Variants in THAP4 observed in about 807,000 individuals in gnomAD.
The protein encoded by THAP4 is peroxynitrite isomerase THAP4.
Under a neutral mutation model 48.1 loss-of-function variants are expected in THAP4, and 18 were observed. That is an observed-to-expected ratio of 0.37 (90% CI 0.26 to 0.56). The LOEUF (loss-of-function observed/expected upper bound fraction) is 0.56. Ranked by LOEUF, THAP4 falls within the 20% of genes least tolerant of loss-of-function variation. The pLI is 0.78. For synonymous variants in THAP4, 345 were observed against 324.9 expected (o/e 1.06, Z -0.66); for missense variants, 656 against 774.9 (o/e 0.85, Z 1.82).
At chr2:241,606,179 A>C (rs2067181138) in intron 3 of THAP4, 135 bp downstream of exon 3, 1 of 730,858 alleles carries the variant, frequency 1.4e-6, no homozygotes, top group Non-Finnish European at 2.1e-6. Flanking sequence ...GCAAGAGGAC[A>C]CCTTTCTGAA....
intron 1 of THAP4, among the ~76,000 whole-genome samples, chr2:241,635,000 G>C (rs533260331): frequency 6.6e-6 from 1 of 152,336 alleles, no homozygotes; most frequent in African/African-American, 2.4e-5. Context: ...AGGAGGACTG[G>C]GGTATTAATG....
intron 2 of THAP4, among the ~76,000 whole-genome samples, chr2:241,622,880 T>C (rs28716750): frequency 6.6e-6 from 1 of 152,142 alleles, no homozygotes; most frequent in Non-Finnish European, 1.5e-5. Context: ...AGATTACAGG[T>C]GTGAGCCACC....
intron 5 of THAP4, among the ~76,000 whole-genome samples, chr2:241,590,838 G>A (rs35709669): frequency 1.4e-5 from 2 of 147,082 alleles, no homozygotes; most frequent in South Asian, 2.1e-4. Flanking sequence ...AGAGCTGCCC[G>A]GCTGACGATA....
At position 241,594,443 on chromosome 2, in the gene THAP4, G is replaced by A. The variant is rs903367126; in HGVS notation, c.1614+7453C>T. Among the ~76,000 whole-genome samples the A allele has an allele frequency of 4.6e-5, 7 of 152,250 alleles. No individual in the cohort carries two copies. In the East Asian group the frequency reaches 7.7e-4, roughly 17 times the overall value. On this transcript the variant is annotated intron_variant, in intron 5 of 5. Coordinates refer to ENST00000407315, the MANE Select transcript of THAP4 (RefSeq NM_015963.6). ...TACAAAAACTACAAATAAAGTAGCC[G>A]TGCTCATTAGGTGGCTCATGCCTGT...
At position 241,584,433 on chromosome 2, in the gene THAP4, T is replaced by A; in HGVS notation, c.*173A>T. On this transcript the variant is annotated 3_prime_UTR_variant, in exon 6 of 6. Transcript: ENST00000407315. ...TATTCAAAATCCTCAGCCATAAAAA[T>A]AAAGGCCTTTTATTTGGTTTTTCTA... The A allele has an allele frequency of 1.6e-6, 1 of 634,236 alleles. No homozygotes were observed. The highest frequency in any genetic ancestry group is 2.1e-5 in the South Asian group (1 of 47,290). 39.3% of individuals were successfully genotyped at this position (634,236 alleles called of 1,614,324 possible). A position where few individuals can be genotyped will look rare whatever the true frequency, so the allele number is the denominator to read the frequency against.
At chr2:241,613,372 C>G (rs953171499) in intron 2 of THAP4, among the ~76,000 whole-genome samples, 5 of 152,002 alleles carry the variant, frequency 3.3e-5, no homozygotes, top group African/African-American at 1.2e-4. Flanking sequence ...CTCATAGGAC[C>G]CTTGAAGGGG....
intron 5 of THAP4, among the ~76,000 whole-genome samples, chr2:241,586,897 G>A (rs2066902284): frequency 6.6e-6 from 1 of 152,134 alleles, no homozygotes; most frequent in African/African-American, 2.4e-5. Context: ...AGACCCAGAA[G>A]AAGATAGGAA....
In THAP4 at chr2:241,633,061, C is replaced by A. The variant is rs1422424004; in HGVS notation, c.1096G>T (p.Val366Leu). The A allele has an allele frequency of 1.2e-6, 2 of 1,613,882 alleles. No homozygotes were observed. The highest frequency in any genetic ancestry group is 1.7e-6 in the Non-Finnish European group (2 of 1,180,038). ...TTCAGCTCGCCGTTCTTCTTCTCCA[C>A]CTGCTCCCGCAGGCAGCACACCTGG... is the stretch of plus-strand genomic sequence containing the variant. ...KSQVCCLREQ[V>L]EKKNGELKSL... The change falls in exon 2 of 6, where the codon GTG becomes TTG. Residue 366 changes from valine to leucine, a missense_variant. Around this residue, in one of 4 missense-constraint regions of THAP4, gnomAD observed 391 missense variants for 412.4 expected, o/e 0.95. Coordinates refer to ENST00000407315, the MANE Select transcript of THAP4 (RefSeq NM_015963.6). This position sits in a 1 kb window ranked among gnomAD's most constrained non-coding sequence, Gnocchi z 7.5.
intron 5 of THAP4, among the ~76,000 whole-genome samples, chr2:241,588,974 G>C (rs1467208829): frequency 1.3e-5 from 2 of 152,128 alleles, no homozygotes; most frequent in African/African-American, 4.8e-5. Flanking sequence ...CAGCGCTTTG[G>C]GAGACCAACG....
In THAP4 at chr2:241,601,193, G is replaced by A. The variant is rs578067837; in HGVS notation, c.1614+703C>T. 3.9e-5 allele frequency among the ~76,000 whole-genome samples: 6 copies of A among 152,268 alleles called. No homozygotes were observed. The highest frequency in any genetic ancestry group is 9.6e-5 in the African/African-American group (4 of 41,528). ...CCCAGGAGGCCGAGGCAGGAGAATC[G>A]CTTGAACCTGAGAGGCGGTGGTTGC... On this transcript the variant is annotated intron_variant, in intron 5 of 5. Coordinates refer to ENST00000407315, the MANE Select transcript of THAP4 (RefSeq NM_015963.6). The surrounding 1 kb of genome is among the most constrained non-coding windows in gnomAD (Gnocchi z 4.0).
intron 2 of THAP4, among the ~76,000 whole-genome samples, chr2:241,625,062 T>C (rs1298626630): frequency 6.6e-6 from 1 of 152,134 alleles, no homozygotes; most frequent in Non-Finnish European, 1.5e-5. Flanking sequence ...CTAGCTTCAT[T>C]GGTGGATTTT....
chr2:241,627,490 C>T (rs532495181), intron 2 of THAP4, among the ~76,000 whole-genome samples: 15 of 152,318 alleles, frequency 9.8e-5, no homozygotes, highest in East Asian at 1.9e-4. Flanking sequence ...AAGAACACTA[C>T]GTCCACAGAA....
chr2:241,619,756 T>TGAGGGGTGAGTGAGTC (rs2067390936), intron 2 of THAP4, among the ~76,000 whole-genome samples: 1 of 111,864 alleles, frequency 8.9e-6, no homozygotes, highest in Non-Finnish European at 1.8e-5. Flanking sequence ...GTGAGTGAGT[T>TGAGGGGTGAGTGAGTC]GGTGAGTGAG....
intron 4 of THAP4, among the ~76,000 whole-genome samples, 177 bp downstream of exon 4, chr2:241,602,793 G>A (rs2067131055): frequency 6.6e-6 from 1 of 152,250 alleles, no homozygotes; most frequent in African/African-American, 2.4e-5. Flanking sequence ...GGCCCCTACA[G>A]CTACACAGTC....
At chr2:241,606,541 A>G in intron 2 of THAP4, 68 bp from the exon 3 acceptor site, 1 of 1,425,610 alleles carries the variant, frequency 7.0e-7, no homozygotes, top group East Asian at 2.5e-5. Flanking sequence ...TTTAAGCAGA[A>G]TGCACGTTCC....
At chr2:241,597,175 G>C (rs1328459463) in intron 5 of THAP4, among the ~76,000 whole-genome samples, 1 of 152,130 alleles carries the variant, frequency 6.6e-6, no homozygotes, top group Non-Finnish European at 1.5e-5. Flanking sequence ...TTGTCGCCCA[G>C]GCTGGAGTGC....
At chr2:241,637,512 C>T, upstream of THAP4, 3 of 1,438,292 alleles carry the variant, frequency 2.1e-6, no homozygotes, top group Non-Finnish European at 2.7e-6. Flanking sequence ...CGACCCCATG[C>T]CGCCCGCAGG....
rs746301646 is a variant in THAP4 at position 241,601,914 on chromosome 2, C to T, written c.1596G>A (p.Lys532=). 1.2e-6 allele frequency: 2 copies of T among 1,613,986 alleles called. No individual in the cohort carries two copies. The highest frequency in any genetic ancestry group is 1.7e-6 in the Non-Finnish European group (2 of 1,180,028). Residue 532 remains lysine (K), a synonymous_variant, in exon 5 of 6, where the codon AAG becomes AAA. Coordinates refer to ENST00000407315, the MANE Select transcript of THAP4 (RefSeq NM_015963.6). This position sits in a 1 kb window ranked among gnomAD's most constrained non-coding sequence, Gnocchi z 4.0. The part of the protein sequence containing the change: ...SHSIARISFA[K]EPHVEQITRK... ...GGCTCACCTGCTCTACGTGGGGCTC[C>T]TTGGCGAAGGAGATCCTGGCGATGG... is the stretch of plus-strand genomic sequence containing the variant.
chr2:241,604,450 C>T (rs950157055), intron 3 of THAP4, among the ~76,000 whole-genome samples: 2 of 152,048 alleles, frequency 1.3e-5, no homozygotes. Context: ...CAGGTTTCTC[C>T]ATGTTGGTCA....
Sources: gnomAD v4.1 joint callset for allele counts (sites outside exome capture counted in the v4.1 genomes callset) on GRCh38, gnomAD v4.1.1 for gene constraint, gnomAD v4.1.1 regional missense constraint, Gnocchi (gnomAD v3.1) non-coding constraint, MANE v1.5 for transcripts, NCBI Gene and HGNC (gene_info 2026-07-23, HGNC 2026-07-21) for gene names.